ETAA1: variants seen among roughly 807,000 people sequenced by gnomAD.
ETAA1 encodes ewing's tumor-associated antigen 1.
In ETAA1, 49 loss-of-function variants were observed where a neutral mutation model predicts 76.8. The observed-to-expected ratio is 0.64, with a 90% confidence interval of 0.51 to 0.81. The LOEUF is 0.81. Ranked by LOEUF, ETAA1 falls within the 30% of genes least tolerant of loss-of-function variation. The pLI is 0.00. For synonymous variants in ETAA1, 373 were observed against 372.2 expected, an observed-to-expected ratio of 1.00 and a Z score of -0.03; for missense variants, 1,099 against 1,074.0, an observed-to-expected ratio of 1.02 and a Z score of -0.32.
intron 5 of ETAA1, among the ~76,000 whole-genome samples, chr2:67,409,260 G>C (rs1676301310): frequency 6.6e-6 from 1 of 151,846 alleles, no homozygotes; most frequent in South Asian, 2.1e-4. Flanking sequence ...CTAATACAAA[G>C]CCTCAACTTA....
intron 5 of ETAA1, among the ~76,000 whole-genome samples, chr2:67,406,007 C>CT (rs1676207871): frequency 6.6e-6 from 1 of 151,986 alleles, no homozygotes. Context: ...TTTTATCTAT[C>CT]TCCTTTCAAT....
chr2:67,411,083 C>CTCA lies in ETAA1; in HGVS notation c.*1048_*1050dup, dbSNP rs1676359373. 6.6e-6 allele frequency: 1 copy of CTCA among 151,926 alleles called. No individual in the cohort carries two copies. The highest frequency in any genetic ancestry group is 2.4e-5 in the African/African-American group (1 of 41,382). 9.4% of individuals were successfully genotyped at this position (151,926 alleles called of 1,614,324 possible). ...CCCCTCAATTAATTTACTTAGTTGA[C>CTCA]TCATCTTTTCTTCTCTATTACTGTT... is the stretch of plus-strand genomic sequence containing the variant. On this transcript the variant is annotated 3_prime_UTR_variant, in exon 6 of 6. Coordinates refer to ENST00000272342, the MANE Select transcript of ETAA1 (RefSeq NM_019002.4).
At chr2:67,408,033 T>C (rs1676265711) in intron 5 of ETAA1, among the ~76,000 whole-genome samples, 1 of 152,214 alleles carries the variant, frequency 6.6e-6, no homozygotes, top group South Asian at 2.1e-4. Context: ...CTGCATTTTT[T>C]ATGGATAATC....
intron 3 of ETAA1, chr2:67,402,263 T>C (rs1303514230): frequency 6.6e-6 from 1 of 151,908 alleles, no homozygotes; most frequent in Non-Finnish European, 1.5e-5. Context: ...TCTCTATTTT[T>C]TTATTCTTAT....
At chr2:67,405,903 A>G (rs1240521139) in intron 5 of ETAA1, among the ~76,000 whole-genome samples, 3 of 152,084 alleles carry the variant, frequency 2.0e-5, no homozygotes, top group East Asian at 3.9e-4. Flanking sequence ...TCTCCATTCT[A>G]TCAATAAGTT....
At position 67,404,258 on chromosome 2, in the gene ETAA1, A is replaced by T. The variant is rs781254911; in HGVS notation, c.1576A>T (p.Thr526Ser). 5.6e-6 allele frequency: 9 copies of T among 1,612,430 alleles called. 1 individual carries two copies. In the South Asian group the frequency reaches 9.9e-5, roughly 18 times the overall value. The change falls in exon 5 of 6, where the codon ACA becomes TCA. Residue 526 changes from threonine to serine, a missense_variant. Physicochemically the swap from Thr to Ser is moderately conservative, Grantham distance 58. Around this residue, in one of 3 missense-constraint regions of ETAA1, gnomAD observed 761 missense variants for 731.9 expected, o/e 1.04. Coordinates refer to ENST00000272342, the MANE Select transcript of ETAA1 (RefSeq NM_019002.4). Reference sequence around the variant, plus strand: ...TTCTGAAAGGAAGTCAGCTTTGAACACAAGGTATTCTAATGAACAGAAAAA... The same window carrying T: ...TTCTGAAAGGAAGTCAGCTTTGAACTCAAGGTATTCTAATGAACAGAAAAA... Reference protein sequence around the residue: ...EASERKSALNTRYSNEQKNKC... With the variant: ...EASERKSALNSRYSNEQKNKC...
intron 3 of ETAA1, chr2:67,401,362 A>G (rs2103744575): frequency 6.6e-6 from 1 of 152,034 alleles, no homozygotes; most frequent in East Asian, 1.9e-4. Flanking sequence ...ATTTTCAGAG[A>G]TAGCATTTTT....
chr2:67,409,433 C>T (rs536196970), intron 5 of ETAA1, among the ~76,000 whole-genome samples: 121 of 152,020 alleles, frequency 8.0e-4, no homozygotes, highest in African/African-American at 2.6e-3. Context: ...TTTTATAGCT[C>T]TATAGGGAAA....
chr2:67,409,582 A>AGAT (rs1431468918), intron 5 of ETAA1, among the ~76,000 whole-genome samples: 2 of 151,994 alleles, frequency 1.3e-5, no homozygotes, highest in Non-Finnish European at 2.9e-5. Flanking sequence ...TCCTTTTTAA[A>AGAT]GATATATTTA....
At chr2:67,397,955 C>T (rs529026192) in intron 1 of ETAA1, among the ~76,000 whole-genome samples, 3 of 152,274 alleles carry the variant, frequency 2.0e-5, no homozygotes, top group South Asian at 4.1e-4. Flanking sequence ...CCAGGCTGCT[C>T]CTCCAGTCAG....
chr2:67,397,580 G>C lies in ETAA1; in HGVS notation c.132G>C (p.Trp44Cys), dbSNP rs1675910571. The stretch of plus-strand genomic sequence containing the variant: ...GGCTGAGATCGGCCCGCGGTTCGTG[G>C]CCCTGCGGGGCTAGAGAGGGGCCTC... ...RRRLRSARGS[W>C]PCGAREGPPG... is the part of the protein sequence containing the mutation. The change falls in exon 1 of 6, where the codon TGG (tryptophan) becomes TGC (cysteine). Residue 44 changes from tryptophan to cysteine, a missense_variant. Trp to Cys is a radical substitution (Grantham distance 215). Transcript: ENST00000272342. 5 of 1,558,380 alleles carry C rather than the reference G, an allele frequency of 3.2e-6. No individual in the cohort carries two copies. The African/African-American group carries it at 5.4e-5, about 17-fold the overall frequency.
rs1412142681 is a variant in ETAA1 at position 67,404,223 on chromosome 2, C to A, written c.1541C>A (p.Ser514Tyr). ...TKIKEDILTN[S>Y]TEASERKSAL... ...ATAAAGGAAGATATTCTTACTAACT[C>A]TACTGAAGCTTCTGAAAGGAAGTCA... The change falls in exon 5 of 6, where the codon TCT becomes TAT. Residue 514 changes from serine (S) to tyrosine (Y), a missense_variant. Transcript: ENST00000272342. 6 of 1,611,970 alleles carry A rather than the reference C, an allele frequency of 3.7e-6. No homozygotes were observed. In the African/African-American group the frequency reaches 6.7e-5, roughly 18 times the overall value.
chr2:67,398,158 G>A (rs1175012788), intron 1 of ETAA1, among the ~76,000 whole-genome samples: 1 of 152,148 alleles, frequency 6.6e-6, no homozygotes, highest in Non-Finnish European at 1.5e-5. Context: ...AAGTTCCTGT[G>A]TGTAACATCC....
chr2:67,411,074 CTTAG>C lies in ETAA1; in HGVS notation c.*1039_*1042del, dbSNP rs1199970495. ...TGTAATTTTCCCCTCAATTAATTTA[CTTAG>C]TTGACTCATCTTTTCTTCTCTATTA... On this transcript the variant is annotated 3_prime_UTR_variant, in exon 6 of 6. Coordinates refer to ENST00000272342, the MANE Select transcript of ETAA1 (RefSeq NM_019002.4). 6.6e-6 allele frequency: 1 copy of C among 151,904 alleles called. No individual in the cohort carries two copies. Among genetic ancestry groups the C allele is most frequent in the Non-Finnish European group, 1.5e-5 (1 of 67,920 alleles). The allele number at this position is 151,904 out of a possible 1,614,324, so 9.4% of individuals were successfully genotyped here. A position where few individuals can be genotyped will look rare whatever the true frequency, so the allele number is the denominator to read the frequency against.
intron 1 of ETAA1, among the ~76,000 whole-genome samples, chr2:67,397,956 C>T (rs1057181516): frequency 3.9e-5 from 6 of 152,188 alleles, no homozygotes; most frequent in Admixed American, 2.6e-4. Context: ...CAGGCTGCTC[C>T]TCCAGTCAGC....
intron 5 of ETAA1, among the ~76,000 whole-genome samples, chr2:67,408,607 A>G (rs939750487): frequency 6.6e-6 from 1 of 152,112 alleles, no homozygotes; most frequent in Non-Finnish European, 1.5e-5. Flanking sequence ...TTAGTACTTT[A>G]CAATATTTTA....
chr2:67,408,011 C>T (rs1463202984), intron 5 of ETAA1, among the ~76,000 whole-genome samples: 1 of 152,136 alleles, frequency 6.6e-6, no homozygotes, highest in Non-Finnish European at 1.5e-5. Flanking sequence ...AAACTCCTAT[C>T]TACCAATCTA....
chr2:67,398,022 C>T (rs1675934019), intron 1 of ETAA1, among the ~76,000 whole-genome samples: 1 of 152,120 alleles, frequency 6.6e-6, no homozygotes, highest in African/African-American at 2.4e-5. Flanking sequence ...CAGTTTTTGC[C>T]CGGAGAAGTT....
intron 1 of ETAA1, 54 bp downstream of exon 1, chr2:67,397,725 C>G: frequency 6.6e-7 from 1 of 1,504,612 alleles, no homozygotes; most frequent in African/African-American, 1.4e-5. Flanking sequence ...TCCCCACATC[C>G]CAGCTTGCAA....
Sources: allele counts gnomAD v4.1 joint callset (sites outside exome capture counted in the v4.1 genomes callset), GRCh38; gene constraint gnomAD v4.1.1; regional missense constraint gnomAD v4.1.1; transcripts MANE v1.5; gene names NCBI Gene and HGNC (gene_info 2026-07-23, HGNC 2026-07-21).